The following MLIP variants were observed in gnomAD, a reference collection of about 807,000 sequenced individuals.
The protein encoded by MLIP is muscular LMNA-interacting protein.
Under a neutral mutation model 84.8 loss-of-function variants are expected in MLIP, and 79 were observed. That is an observed-to-expected ratio of 0.93 (90% confidence interval 0.78 to 1.12). The LOEUF (loss-of-function observed/expected upper bound fraction) is 1.12, where lower values mean the gene tolerates loss of function less well. Ranked by LOEUF, MLIP falls within the 50% of genes most tolerant of loss-of-function variation. MLIP has a pLI of 0.00. For missense variants in MLIP, 1,257 were observed against 1,160.6 expected (o/e 1.08, Z -1.21); for synonymous variants, 504 against 463.0 (o/e 1.09, Z -1.14).
chr6:54,078,434 A>G (rs980496987), intron 1 of MLIP, among the ~76,000 whole-genome samples: 2 of 152,242 alleles, frequency 1.3e-5, no homozygotes, highest in African/African-American at 2.4e-5. Context: ...TCTACAAAAA[A>G]TTAGCCAGGC....
intron 4 of MLIP, among the ~76,000 whole-genome samples, chr6:54,144,662 T>G (rs1326236335): frequency 6.6e-6 from 1 of 152,218 alleles, no homozygotes; most frequent in Non-Finnish European, 1.5e-5. Context: ...TGCTGTTCAC[T>G]TCTTGCTGTT....
chr6:54,183,156 T>C (rs1461931657), intron 9 of MLIP, among the ~76,000 whole-genome samples: 4 of 152,224 alleles, frequency 2.6e-5, no homozygotes, highest in Non-Finnish European at 5.9e-5. Context: ...CTTGTTGTTA[T>C]GCTTGGAAAC....
intron 11 of MLIP, among the ~76,000 whole-genome samples, chr6:54,223,735 G>A (rs138780997): frequency 7.3e-4 from 111 of 151,938 alleles, no homozygotes; most frequent in African/African-American, 2.4e-3. Context: ...GCTTGCATAC[G>A]ACTTCTGATC....
chr6:54,265,889 C>G, intron 13 of MLIP, 61 bp from the exon 14 acceptor site: 1 of 1,472,330 alleles, frequency 6.8e-7, no homozygotes, highest in Non-Finnish European at 9.4e-7. Flanking sequence ...GTATAATTTT[C>G]AGGTGTATAT....
rs146089029 is a variant in MLIP at position 54,219,744 on chromosome 6, A to C, written c.2719-10970A>C. On this transcript the variant is annotated intron_variant, in intron 11 of 13. Transcript: ENST00000502396. ...TACATGGGTCTCCTTTGTAGGTCTG[A>C]ATGCTAGATAGTTACAACTCATATA... Among the ~76,000 whole-genome samples, 445 of 152,262 alleles carry C rather than the reference A, an allele frequency of 2.9e-3. 3 individuals carry two copies. Among genetic ancestry groups the C allele is most frequent in the Non-Finnish European group, 3.0e-3 (207 of 68,010 alleles).
intron 1 of MLIP, among the ~76,000 whole-genome samples, chr6:54,089,881 G>T (rs1429426676): frequency 6.6e-6 from 1 of 152,054 alleles, no homozygotes; most frequent in African/African-American, 2.4e-5. Flanking sequence ...ACTTGATTTA[G>T]CACCTCTGTC....
chr6:54,251,946 ATATAATATAAATATATATAT>A, intron 12 of MLIP, among the ~76,000 whole-genome samples: 8 of 76,712 alleles, frequency 1.0e-4, no homozygotes, highest in African/African-American at 5.5e-4. Context: ...AACATATAAT[ATATAATATAAATATATATAT>A]TATAACATAA....
chr6:54,156,736 G>A (rs1003527069), intron 5 of MLIP, among the ~76,000 whole-genome samples: 1 of 151,968 alleles, frequency 6.6e-6, no homozygotes, highest in Non-Finnish European at 1.5e-5. Context: ...GGTTTACCCA[G>A]TGATTCATCA....
At chr6:54,085,645 A>G (rs1767438141) in intron 1 of MLIP, among the ~76,000 whole-genome samples, 1 of 152,206 alleles carries the variant, frequency 6.6e-6, no homozygotes, top group Non-Finnish European at 1.5e-5. Context: ...GAGCCTGAAC[A>G]GTTTTACAAA....
intron 9 of MLIP, among the ~76,000 whole-genome samples, chr6:54,186,991 C>T (rs1448190726): frequency 1.3e-5 from 2 of 151,986 alleles, no homozygotes; most frequent in African/African-American, 4.8e-5. Context: ...ACCTACAAGG[C>T]CATATTGACC....
chr6:54,255,284 T>C (rs1458779363), intron 12 of MLIP, among the ~76,000 whole-genome samples: 1 of 152,222 alleles, frequency 6.6e-6, no homozygotes, highest in East Asian at 1.9e-4. Flanking sequence ...TTTTGGGCCT[T>C]GAACAAGTTA....
intron 1 of MLIP, among the ~76,000 whole-genome samples, chr6:54,078,590 G>GA (rs1766946255): frequency 2.0e-5 from 3 of 151,388 alleles, no homozygotes; most frequent in South Asian, 4.2e-4. Context: ...TCTCTAAAAA[G>GA]AAAAAATCAT....
At chr6:54,121,171 C>A (rs555168992) in intron 1 of MLIP, among the ~76,000 whole-genome samples, 3 of 152,238 alleles carry the variant, frequency 2.0e-5, no homozygotes, top group South Asian at 2.1e-4. Context: ...CTGTGAGATT[C>A]CAGCTGATCA....
rs187910229 is a variant in MLIP, at chr6:54,262,288, T to C, written c.2977-3662T>C. Among the ~76,000 whole-genome samples, 50 of 152,100 alleles carry C rather than the reference T, an allele frequency of 3.3e-4. 1 individual carries two copies. The East Asian group carries it at 8.0e-3, about 24-fold the overall frequency. On this transcript the variant is annotated intron_variant, in intron 13 of 13. Transcript: ENST00000502396. ...GTTATTGAATAACATTGAACCAGAA[T>C]GTGATGTGCATCATAGGCAATCTGC...
intron 9 of MLIP, among the ~76,000 whole-genome samples, chr6:54,178,121 G>A (rs1776486354): frequency 6.6e-6 from 1 of 152,072 alleles, no homozygotes; most frequent in Admixed American, 6.6e-5. Context: ...TAAGTGATGG[G>A]TTGATAGGTG....
chr6:54,100,035 C>T (rs1582139681), intron 1 of MLIP, among the ~76,000 whole-genome samples: 1 of 152,112 alleles, frequency 6.6e-6, no homozygotes. Context: ...ATTGGTTCTA[C>T]GTACACACTT....
At chr6:54,179,196 T>C (rs1350772641) in intron 9 of MLIP, among the ~76,000 whole-genome samples, 1 of 152,228 alleles carries the variant, frequency 6.6e-6, no homozygotes, top group African/African-American at 2.4e-5. Flanking sequence ...ATCTATTGTG[T>C]CTGATCTAAG....
At chr6:54,071,840 A>G (rs1174847674) in intron 1 of MLIP, among the ~76,000 whole-genome samples, 1 of 152,352 alleles carries the variant, frequency 6.6e-6, no homozygotes, top group Non-Finnish European at 1.5e-5. Flanking sequence ...AGCCTACTGC[A>G]CATGAAACAT....
rs1766858454 is a variant in MLIP at position 54,077,190 on chromosome 6, G to A, written c.64-44257G>A. Among the ~76,000 whole-genome samples the A allele has an allele frequency of 2.0e-5, 3 of 152,128 alleles. 1 individual carries two copies. Among genetic ancestry groups the A allele is most frequent in the African/African-American group, 7.2e-5 (3 of 41,414 alleles). ...TCTTAAAAATATGCAAACCAGCTCA[G>A]GGGAGTAATCAGTCCCCTTGACTGT... On this transcript the variant is annotated intron_variant, in intron 1 of 12. Transcript: ENST00000274897.
Sources: allele counts gnomAD v4.1 joint callset (sites outside exome capture counted in the v4.1 genomes callset), GRCh38; gene constraint gnomAD v4.1.1; transcripts MANE v1.5; gene names NCBI Gene and HGNC (gene_info 2026-07-23, HGNC 2026-07-21).